SLC9A9: variants seen among roughly 807,000 people sequenced by gnomAD.
The protein encoded by SLC9A9 is sodium/hydrogen exchanger 9.
In SLC9A9, 62 loss-of-function variants were observed where a neutral mutation model predicts 77.8. That is an observed-to-expected ratio of 0.80 (90% CI 0.65 to 0.98). The LOEUF is 0.98. Among genes scored for constraint, SLC9A9 ranks in the 50% least tolerant of loss-of-function variants. The pLI, the probability that SLC9A9 is intolerant of heterozygous loss-of-function variation, is 0.00. For missense variants in SLC9A9, 775 were observed against 774.9 expected, an observed-to-expected ratio of 1.00 and a Z score of 0.00; for synonymous variants, 320 against 283.5, an observed-to-expected ratio of 1.13 and a Z score of -1.29.
intron 14 of SLC9A9, among the ~76,000 whole-genome samples, chr3:143,351,922 TTAGAC>T (rs2032465098): frequency 6.6e-6 from 1 of 152,060 alleles, no homozygotes; most frequent in Non-Finnish European, 1.5e-5. Flanking sequence ...CCTGAGGACT[TTAGAC>T]TAAGAAAAGG....
rs190738170 is a variant in SLC9A9, at chr3:143,282,789, A to G, written c.1605-13809T>C. Among the ~76,000 whole-genome samples, 392 of 152,314 alleles carry G rather than the reference A, an allele frequency of 2.6e-3. 1 individual carries two copies. The highest frequency in any genetic ancestry group is 3.7e-3 in the Non-Finnish European group (252 of 68,026). The stretch of plus-strand genomic sequence containing the variant: ...GTTAACCATACATAGATTGTCTAAT[A>G]CCAGACTTCTTTTAGTGAGATTAAA... On this transcript the variant is annotated intron_variant, in intron 14 of 15. Coordinates refer to ENST00000316549, the MANE Select transcript of SLC9A9 (RefSeq NM_173653.4).
chr3:143,775,682 A>G (rs1184005322), intron 4 of SLC9A9, among the ~76,000 whole-genome samples: 2 of 152,188 alleles, frequency 1.3e-5, no homozygotes, highest in Non-Finnish European at 2.9e-5. Flanking sequence ...CTAGGTGGTG[A>G]CACTTGCCCC....
intron 6 of SLC9A9, among the ~76,000 whole-genome samples, chr3:143,606,528 T>TA (rs2037932380): frequency 6.8e-6 from 1 of 146,904 alleles, no homozygotes; most frequent in Non-Finnish European, 1.5e-5. Context: ...GCTAGTAGTG[T>TA]AAAAAGATAG....
At chr3:143,742,959 A>G (rs1935109092) in intron 4 of SLC9A9, among the ~76,000 whole-genome samples, 1 of 152,176 alleles carries the variant, frequency 6.6e-6, no homozygotes, top group Non-Finnish European at 1.5e-5. Context: ...CACCTCTCCA[A>G]GGAAGCCTGC....
intron 6 of SLC9A9, among the ~76,000 whole-genome samples, chr3:143,623,346 T>C (rs2038255878): frequency 1.3e-5 from 2 of 152,152 alleles, no homozygotes; most frequent in Non-Finnish European, 1.5e-5. Context: ...TATTCCAAAA[T>C]TGACCACATA....
chr3:143,723,998 T>C (rs1282329310), intron 4 of SLC9A9, among the ~76,000 whole-genome samples: 2 of 152,204 alleles, frequency 1.3e-5, no homozygotes, highest in African/African-American at 4.8e-5. Flanking sequence ...ATTTAAATAA[T>C]AGCTCCATTA....
chr3:143,444,955 T>C (rs1195037611), intron 12 of SLC9A9, among the ~76,000 whole-genome samples: 4 of 152,226 alleles, frequency 2.6e-5, no homozygotes, highest in African/African-American at 4.8e-5. Context: ...AGTTTCCTGA[T>C]ATGGACTGTG....
At chr3:143,451,955 C>T (rs573179144) in intron 12 of SLC9A9, among the ~76,000 whole-genome samples, 41 of 152,030 alleles carry the variant, frequency 2.7e-4, no homozygotes, top group Non-Finnish European at 5.3e-4. Flanking sequence ...ATTTAATGTA[C>T]TTCTTTCAGA....
chr3:143,720,767 GAGTGCTGGAA>G (rs1370035421), intron 4 of SLC9A9, among the ~76,000 whole-genome samples: 1 of 152,200 alleles, frequency 6.6e-6, no homozygotes, highest in East Asian at 1.9e-4. Flanking sequence ...ACAATGGACA[GAGTGCTGGAA>G]AGTGCCTGTC....
Position 143,363,577 on chromosome 3 carries a change from A to G in SLC9A9, c.1525-14T>C. On this transcript the variant is annotated splice_polypyrimidine_tract_variant and intron_variant, in intron 13 of 15. Transcript: ENST00000316549. ...GTTATTTGCTTCCTGGGGAGAAACAATAGAAAAAGGCATTGGGTAAATAGT... is the reference window on the plus strand; with the variant it reads ...GTTATTTGCTTCCTGGGGAGAAACAGTAGAAAAAGGCATTGGGTAAATAGT... 1 of 1,609,864 alleles carries G rather than the reference A, an allele frequency of 6.2e-7. No individual in the cohort carries two copies. The highest frequency in any genetic ancestry group is 8.5e-7 in the Non-Finnish European group (1 of 1,176,674).
chr3:143,474,471 C>A (rs1021692329), intron 11 of SLC9A9, among the ~76,000 whole-genome samples: 2 of 152,016 alleles, frequency 1.3e-5, no homozygotes, highest in African/African-American at 4.8e-5. Context: ...GAATGCAGAT[C>A]AGACCACTGA....
intron 14 of SLC9A9, among the ~76,000 whole-genome samples, chr3:143,271,550 C>T (rs1009018639): frequency 6.6e-6 from 1 of 152,142 alleles, no homozygotes; most frequent in African/African-American, 2.4e-5. Flanking sequence ...GATGGGAAAA[C>T]GATACTGAAG....
Position 143,325,993 on chromosome 3 carries a change from G to C in SLC9A9, c.1604+37491C>G, listed in dbSNP as rs141036261. On this transcript the variant is annotated intron_variant, in intron 14 of 15. Coordinates refer to ENST00000316549, the MANE Select transcript of SLC9A9 (RefSeq NM_173653.4). ...TGAAACTCTAATATCACTTGGTATT[G>C]GTTTTCTATTCATGCATGCAAGTGC... Among the ~76,000 whole-genome samples the C allele has an allele frequency of 2.2e-3, 340 of 152,150 alleles. 1 individual carries two copies. Among genetic ancestry groups the C allele is most frequent in the African/African-American group, 7.9e-3 (326 of 41,490 alleles).
intron 14 of SLC9A9, among the ~76,000 whole-genome samples, chr3:143,291,056 C>G (rs1435354862): frequency 6.6e-6 from 1 of 152,214 alleles, no homozygotes; most frequent in Non-Finnish European, 1.5e-5. Context: ...GGCGGAAGTG[C>G]TTGGGATTGG....
intron 14 of SLC9A9, among the ~76,000 whole-genome samples, chr3:143,296,810 C>A (rs568205047): frequency 2.0e-5 from 3 of 152,028 alleles, no homozygotes; most frequent in Non-Finnish European, 1.5e-5. Flanking sequence ...TTTTTATATA[C>A]CTGTTGGTCA....
intron 5 of SLC9A9, among the ~76,000 whole-genome samples, chr3:143,692,795 A>C (rs1374845472): frequency 2.0e-5 from 3 of 152,158 alleles, no homozygotes; most frequent in Non-Finnish European, 4.4e-5. Context: ...AAAATACACT[A>C]ACACTAACGA....
At chr3:143,737,069 T>C (rs771709355) in intron 4 of SLC9A9, among the ~76,000 whole-genome samples, 59 of 152,370 alleles carry the variant, frequency 3.9e-4, no homozygotes, top group Middle Eastern at 6.8e-3. Flanking sequence ...TAAAGATTTA[T>C]AGTACTAATA....
intron 4 of SLC9A9, among the ~76,000 whole-genome samples, chr3:143,762,589 A>C (rs1401520705): frequency 6.6e-6 from 1 of 152,122 alleles, no homozygotes; most frequent in Non-Finnish European, 1.5e-5. Flanking sequence ...GAACTATGTT[A>C]TTTTGAGGGA....
Position 143,578,656 on chromosome 3 carries a change from C to G in SLC9A9, c.823G>C (p.Val275Leu). ...AFDAAAFFQSVGNFLGIFAGS... is the reference protein window; with the variant it reads ...AFDAAAFFQSLGNFLGIFAGS... Reference sequence around the variant, plus strand: ...GCGAAGATTCCCAGGAAATTCCCCACAGACTGGAAGAATGCTGCGGCATCA... The same window carrying G: ...GCGAAGATTCCCAGGAAATTCCCCAGAGACTGGAAGAATGCTGCGGCATCA... The change falls in exon 7 of 16, where the codon GTG becomes CTG. Residue 275 changes from valine (V) to leucine (L), a missense_variant. Transcript: ENST00000316549. 2.5e-6 allele frequency: 4 copies of G among 1,614,110 alleles called. No homozygotes were observed. Among genetic ancestry groups the G allele is most frequent in the Non-Finnish European group, 3.4e-6 (4 of 1,179,976 alleles).
Sources: allele counts gnomAD v4.1 joint callset (sites outside exome capture counted in the v4.1 genomes callset), GRCh38; gene constraint gnomAD v4.1.1; transcripts MANE v1.5; gene names NCBI Gene and HGNC (gene_info 2026-07-23, HGNC 2026-07-21).